ZBTB44: variants seen among roughly 807,000 people sequenced by gnomAD.
ZBTB44 encodes the protein zinc finger and BTB domain-containing protein 44.
In ZBTB44, 15 loss-of-function variants were observed where a neutral mutation model predicts 54.0. The observed-to-expected ratio is 0.28, with a 90% CI of 0.19 to 0.43. The LOEUF is 0.43. ZBTB44 is among the 20% of genes least tolerant of loss of function. The pLI is 1.00. For synonymous variants in ZBTB44, 230 were observed against 250.1 expected, an observed-to-expected ratio of 0.92 and a Z score of 0.76; for missense variants, 487 against 707.1, an observed-to-expected ratio of 0.69 and a Z score of 3.53.
At chr11:130,312,292 A>G (rs1942655411) in intron 1 of ZBTB44, among the ~76,000 whole-genome samples, 1 of 152,212 alleles carries the variant, frequency 6.6e-6, no homozygotes, top group Non-Finnish European at 1.5e-5. Context: ...CATATTAATC[A>G]CAAACTGGCA....
At chr11:130,299,552 C>CG (rs1170854643) in intron 1 of ZBTB44, among the ~76,000 whole-genome samples, 1 of 139,960 alleles carries the variant, frequency 7.1e-6, no homozygotes, top group East Asian at 2.1e-4. Context: ...GACTTCGTCT[C>CG]GGGGACAAAA....
chr11:130,243,152 T>C lies in ZBTB44; in HGVS notation c.1019-3256A>G, dbSNP rs1007235483. 2.0e-5 allele frequency among the ~76,000 whole-genome samples: 3 copies of C among 152,392 alleles called. No homozygotes were observed. In the South Asian group the frequency reaches 6.2e-4, roughly 32 times the overall value. ...TTCATGTTTATTTTGTTAAATACAG[T>C]AAGCATATTTACTTTATATCTGTGC... is the stretch of plus-strand genomic sequence containing the variant. On this transcript the variant is annotated intron_variant, in intron 2 of 7. Coordinates refer to ENST00000357899, the MANE Select transcript of ZBTB44 (RefSeq NM_001301098.2).
At chr11:130,235,952 A>G (rs1954089177) in intron 5 of ZBTB44, among the ~76,000 whole-genome samples, 1 of 151,458 alleles carries the variant, frequency 6.6e-6, no homozygotes, top group African/African-American at 2.4e-5. Context: ...CCTGGGTGAC[A>G]GTGAGACTCC....
intron 2 of ZBTB44, among the ~76,000 whole-genome samples, chr11:130,240,319 C>A (rs995966044): frequency 6.6e-6 from 1 of 151,882 alleles, no homozygotes; most frequent in Non-Finnish European, 1.5e-5. Flanking sequence ...GGATTACAGG[C>A]GTGAGCCACC....
At chr11:130,239,720 A>T (rs1296918259) in intron 3 of ZBTB44, 92 bp downstream of exon 3, 5 of 1,026,274 alleles carry the variant, frequency 4.9e-6, no homozygotes, top group Non-Finnish European at 7.4e-6. Context: ...TGAGGTTGTA[A>T]TAAACTTCTA....
intron 1 of ZBTB44, among the ~76,000 whole-genome samples, chr11:130,302,862 C>G (rs1040394273): frequency 7.2e-5 from 11 of 152,228 alleles, no homozygotes; most frequent in Admixed American, 5.2e-4. Flanking sequence ...GTAATCCCAG[C>G]TACTCGGGAG....
intron 1 of ZBTB44, among the ~76,000 whole-genome samples, chr11:130,280,329 G>A (rs1940414598): frequency 6.6e-6 from 1 of 152,152 alleles, no homozygotes; most frequent in Non-Finnish European, 1.5e-5. Flanking sequence ...TACGTTAAAG[G>A]GGAAAGGTTG....
intron 1 of ZBTB44, among the ~76,000 whole-genome samples, chr11:130,274,134 T>C (rs1195476810): frequency 6.6e-6 from 1 of 151,856 alleles, no homozygotes. Flanking sequence ...AATTTTAGAA[T>C]ATTTGCATTA....
chr11:130,286,600 T>C (rs1246833723), intron 1 of ZBTB44, among the ~76,000 whole-genome samples: 1 of 152,234 alleles, frequency 6.6e-6, no homozygotes, highest in Non-Finnish European at 1.5e-5. Flanking sequence ...AAAAGAATTA[T>C]AGTCTTTTCA....
chr11:130,290,729 T>A (rs1177023712), intron 1 of ZBTB44, among the ~76,000 whole-genome samples: 1 of 152,218 alleles, frequency 6.6e-6, no homozygotes, highest in Non-Finnish European at 1.5e-5. Context: ...CTCTATCACA[T>A]CTGACATGGA....
At chr11:130,277,304 TTAGAA>T (rs1225291034) in intron 1 of ZBTB44, among the ~76,000 whole-genome samples, 2 of 152,256 alleles carry the variant, frequency 1.3e-5, no homozygotes, top group Admixed American at 6.5e-5. Flanking sequence ...GCTCAAGGTT[TTAGAA>T]TATATACCAG....
intron 1 of ZBTB44, among the ~76,000 whole-genome samples, chr11:130,273,417 C>T (rs950364579): frequency 5.3e-5 from 8 of 151,356 alleles, no homozygotes. Context: ...TCAACTGATC[C>T]CCCTACCTCA....
intron 1 of ZBTB44, among the ~76,000 whole-genome samples, chr11:130,290,023 T>C (rs1215000469): frequency 6.6e-6 from 1 of 152,226 alleles, no homozygotes; most frequent in Non-Finnish European, 1.5e-5. Flanking sequence ...TTGTGAATGA[T>C]ACCTTTATGG....
chr11:130,295,913 G>A, intron 1 of ZBTB44: 1 of 1,512,506 alleles, frequency 6.6e-7, no homozygotes, highest in East Asian at 2.3e-5. Flanking sequence ...ATGGGTGGCA[G>A]TAACGGATCT....
rs185953735 is a variant in ZBTB44, at chr11:130,307,734, C to T, written c.-57+6641G>A. ...AGGGCAGTGGTGCAATCTGGGCTCACTGCTGGAGGAATCACATTACCTGAC... is the reference window on the plus strand; with the variant it reads ...AGGGCAGTGGTGCAATCTGGGCTCATTGCTGGAGGAATCACATTACCTGAC... On this transcript the variant is annotated intron_variant, in intron 1 of 7. Coordinates refer to ENST00000357899, the MANE Select transcript of ZBTB44 (RefSeq NM_001301098.2). Among the ~76,000 whole-genome samples the T allele has an allele frequency of 5.9e-5, 9 of 152,232 alleles. No individual in the cohort carries two copies. The East Asian group carries it at 1.5e-3, about 26-fold the overall frequency.
At chr11:130,250,587 G>A (rs1200772907) in intron 2 of ZBTB44, among the ~76,000 whole-genome samples, 2 of 152,146 alleles carry the variant, frequency 1.3e-5, no homozygotes, top group African/African-American at 4.8e-5. Flanking sequence ...GAAGCAGCAG[G>A]CAGCAATCTT....
intron 1 of ZBTB44, among the ~76,000 whole-genome samples, chr11:130,312,172 C>A (rs1420539061): frequency 6.6e-6 from 1 of 152,112 alleles, no homozygotes; most frequent in Non-Finnish European, 1.5e-5. Context: ...TTACAGAGAA[C>A]CTCCAATAAC....
chr11:130,282,253 T>C (rs1200942966), intron 1 of ZBTB44, among the ~76,000 whole-genome samples: 1 of 152,210 alleles, frequency 6.6e-6, no homozygotes, highest in East Asian at 1.9e-4. Flanking sequence ...CTCTGGAGCT[T>C]TGTCATCATC....
Position 130,238,534 on chromosome 11 carries a change from T to G in ZBTB44, c.1177A>C (p.Asn393His), listed in dbSNP as rs772072464. The G allele has an allele frequency of 1.8e-5, 29 of 1,612,772 alleles. No homozygotes were observed. The highest frequency in any genetic ancestry group is 2.5e-5 in the Non-Finnish European group (29 of 1,179,532). The change falls in exon 4 of 8, where the codon AAT becomes CAT. Residue 393 changes from asparagine to histidine, a missense_variant. Coordinates refer to ENST00000357899, the MANE Select transcript of ZBTB44 (RefSeq NM_001301098.2). ...CACTGAAAAGGTCTGTCGGGACCATTTGGACTTGGTCGCTCTGTACTGCTG... is the reference window on the plus strand; with the variant it reads ...CACTGAAAAGGTCTGTCGGGACCATGTGGACTTGGTCGCTCTGTACTGCTG... ...STSSTERPSP[N>H]GPDRPFQCPT...
Sources: allele counts gnomAD v4.1 joint callset (sites outside exome capture counted in the v4.1 genomes callset), GRCh38; gene constraint gnomAD v4.1.1; transcripts MANE v1.5; gene names NCBI Gene and HGNC (gene_info 2026-07-23, HGNC 2026-07-21).